PPFIA2: variants seen among roughly 807,000 people sequenced by gnomAD.
PPFIA2 encodes PPFI scaffold protein A2, also known as liprin-alpha-2.
PPFIA2 carries 46 observed loss-of-function variants against 175.5 expected under a neutral mutation model. That is an observed-to-expected ratio of 0.26 (90% CI 0.21 to 0.34). The LOEUF is 0.34. Among genes scored for constraint, PPFIA2 ranks in the 10% least tolerant of loss-of-function variants. The pLI is 1.00. For missense variants in PPFIA2, 1,179 were observed against 1,506.1 expected, an observed-to-expected ratio of 0.78 and a Z score of 3.60; for synonymous variants, 568 against 511.4, an observed-to-expected ratio of 1.11 and a Z score of -1.49.
intron 6 of PPFIA2, among the ~76,000 whole-genome samples, chr12:81,442,848 CATATATATATATATATAT>C (rs35192542): frequency 0.054 from 756 of 14,096 alleles, 15 homozygotes; most frequent in Middle Eastern, 0.062. Context: ...TTTCTGACTT[CATATATATATATATATAT>C]ATATATATAT....
At chr12:81,507,427 A>C (rs1167600761) in intron 4 of PPFIA2, among the ~76,000 whole-genome samples, 1 of 149,986 alleles carries the variant, frequency 6.7e-6, no homozygotes, top group Admixed American at 6.7e-5. Context: ...ATTATTATTA[A>C]AATGTCTGAG....
chr12:81,584,135 A>G (rs2074832669), intron 4 of PPFIA2, among the ~76,000 whole-genome samples: 1 of 151,914 alleles, frequency 6.6e-6, no homozygotes, highest in African/African-American at 2.4e-5. Context: ...ATCTAAAGCA[A>G]GTTCTTGATA....
chr12:81,433,096 C>A (rs2048387009), intron 7 of PPFIA2, among the ~76,000 whole-genome samples: 1 of 151,646 alleles, frequency 6.6e-6, no homozygotes, highest in Non-Finnish European at 1.5e-5. Context: ...ATAAAATCTA[C>A]AAATTTTTAG....
At chr12:81,599,143 G>A (rs2059546306) in intron 4 of PPFIA2, among the ~76,000 whole-genome samples, 1 of 151,848 alleles carries the variant, frequency 6.6e-6, no homozygotes, top group African/African-American at 2.4e-5. Flanking sequence ...AAAAATAAAT[G>A]TTCCATTTAC....
chr12:81,517,312 T>G (rs1461652105), intron 4 of PPFIA2, among the ~76,000 whole-genome samples: 3 of 152,112 alleles, frequency 2.0e-5, no homozygotes, highest in East Asian at 3.9e-4. Flanking sequence ...GGAGAATTAC[T>G]GTCTCTTCCA....
intron 4 of PPFIA2, among the ~76,000 whole-genome samples, chr12:81,580,376 T>C (rs2074223538): frequency 6.6e-6 from 1 of 151,772 alleles, no homozygotes; most frequent in Non-Finnish European, 1.5e-5. Context: ...CTTCAAATGC[T>C]ATAAGGATTC....
chr12:81,333,202 TTC>T (rs1487903346), intron 21 of PPFIA2, among the ~76,000 whole-genome samples: 3 of 152,180 alleles, frequency 2.0e-5, no homozygotes, highest in Admixed American at 6.5e-5. Flanking sequence ...TTGTATAGAA[TTC>T]TGACACCCCA....
intron 11 of PPFIA2, among the ~76,000 whole-genome samples, chr12:81,370,097 T>C (rs995035195): frequency 6.6e-6 from 1 of 151,814 alleles, no homozygotes; most frequent in Non-Finnish European, 1.5e-5. Flanking sequence ...GGTTTGTTTG[T>C]CTATATTACT....
At chr12:81,650,424 G>C (rs1175839972) in intron 4 of PPFIA2, among the ~76,000 whole-genome samples, 2 of 151,988 alleles carry the variant, frequency 1.3e-5, no homozygotes, top group Non-Finnish European at 2.9e-5. Context: ...TCTTTCTAAA[G>C]GATTTTCAAA....
At chr12:81,643,664 G>A (rs563877094) in intron 4 of PPFIA2, among the ~76,000 whole-genome samples, 7 of 152,072 alleles carry the variant, frequency 4.6e-5, no homozygotes, top group African/African-American at 1.7e-4. Flanking sequence ...ACTGAATTTG[G>A]AGTCACCTGA....
intron 29 of PPFIA2, 108 bp from the exon 30 acceptor site, chr12:81,267,128 G>C (rs2037482668): frequency 1.2e-6 from 1 of 865,374 alleles, no homozygotes; most frequent in Admixed American, 2.6e-5. Flanking sequence ...TTTATTTATG[G>C]GTTTTGAAGT....
At chr12:81,490,131 T>A (rs560566445) in intron 4 of PPFIA2, among the ~76,000 whole-genome samples, 7 of 151,938 alleles carry the variant, frequency 4.6e-5, no homozygotes, top group Non-Finnish European at 8.8e-5. Flanking sequence ...GCGAATTAAG[T>A]TGTTGGAAAC....
At chr12:81,463,594 T>C (rs1161483983) in intron 4 of PPFIA2, among the ~76,000 whole-genome samples, 5 of 152,138 alleles carry the variant, frequency 3.3e-5, no homozygotes, top group Non-Finnish European at 7.4e-5. Context: ...GGTGCCCTTC[T>C]CTTTCTTAGT....
At chr12:81,277,289 C>A in intron 28 of PPFIA2, 28 bp downstream of exon 28, 2 of 1,509,838 alleles carry the variant, frequency 1.3e-6, no homozygotes, top group South Asian at 1.3e-5. Flanking sequence ...AGAATAAAGG[C>A]ATTTCATATG....
At position 81,313,470 on chromosome 12, in the gene PPFIA2, A is replaced by G. The variant is rs890496214; in HGVS notation, c.2642+12307T>C. ...TAAATCGGCACTTTGAAAAAAATGC[A>G]TATTTTTGGCCTTAACTCCACAGCA... On this transcript the variant is annotated intron_variant, in intron 22 of 32. Coordinates refer to ENST00000549396, the MANE Select transcript of PPFIA2 (RefSeq NM_003625.5). 3.3e-5 allele frequency among the ~76,000 whole-genome samples: 5 copies of G among 152,070 alleles called. No individual in the cohort carries two copies. In the East Asian group the frequency reaches 5.8e-4, roughly 18 times the overall value.
chr12:81,338,005 T>C (rs941628740), intron 21 of PPFIA2, among the ~76,000 whole-genome samples: 1 of 152,074 alleles, frequency 6.6e-6, no homozygotes, highest in African/African-American at 2.4e-5. Context: ...GAACATATAA[T>C]CACACACTGG....
At chr12:81,756,817 A>G (rs958730418) in intron 2 of PPFIA2, among the ~76,000 whole-genome samples, 1 of 152,128 alleles carries the variant, frequency 6.6e-6, no homozygotes, top group African/African-American at 2.4e-5. Context: ...TACCTTTACG[A>G]CTCATTCTGC....
chr12:81,513,396 C>G (rs1378731913), intron 4 of PPFIA2, among the ~76,000 whole-genome samples: 1 of 152,062 alleles, frequency 6.6e-6, no homozygotes, highest in African/African-American at 2.4e-5. Context: ...AACCCCACTA[C>G]TGGGTATCTA....
intron 4 of PPFIA2, among the ~76,000 whole-genome samples, chr12:81,517,977 T>C (rs1337147563): frequency 6.7e-6 from 1 of 149,960 alleles, no homozygotes; most frequent in Non-Finnish European, 1.5e-5. Flanking sequence ...CATTAGGAGA[T>C]ACACCTAATG....
Sources: allele counts gnomAD v4.1 joint callset (sites outside exome capture counted in the v4.1 genomes callset), GRCh38; gene constraint gnomAD v4.1.1; transcripts MANE v1.5; gene names NCBI Gene and HGNC (gene_info 2026-07-23, HGNC 2026-07-21).